The following LNX1 variants were observed in gnomAD, a reference collection of about 807,000 sequenced individuals.
LNX1 encodes the protein E3 ubiquitin-protein ligase LNX.
Under a neutral mutation model 68.4 loss-of-function variants are expected in LNX1, and 54 were observed. That is an observed-to-expected ratio of 0.79 (90% confidence interval 0.63 to 0.99). LNX1 has a LOEUF of 0.99. LNX1 is among the 50% of genes least tolerant of loss of function. The probability of loss-of-function intolerance (pLI) is 0.00; values close to 1 mark genes in which losing one functional copy is unlikely to be tolerated. For synonymous variants in LNX1, 336 were observed against 350.0 expected (o/e 0.96, Z 0.45); for missense variants, 906 against 926.4 (o/e 0.98, Z 0.29).
intron 2 of LNX1, among the ~76,000 whole-genome samples, chr4:53,522,559 T>A (rs1727302823): frequency 6.6e-6 from 1 of 152,246 alleles, no homozygotes; most frequent in Non-Finnish European, 1.5e-5. Context: ...GAGCCTGTTT[T>A]ACTAGACTGC....
At chr4:53,496,689 T>C in intron 5 of LNX1, 1 of 315,392 alleles carries the variant, frequency 3.2e-6, no homozygotes, top group Non-Finnish European at 5.8e-6. Flanking sequence ...GTTGTCATTA[T>C]TTTTTAGCTG....
chr4:53,537,011 T>C (rs1237401809), intron 2 of LNX1, among the ~76,000 whole-genome samples: 1 of 152,238 alleles, frequency 6.6e-6, no homozygotes, highest in Non-Finnish European at 1.5e-5. Flanking sequence ...TACCTTTTTG[T>C]TTACTGCTTT....
chr4:53,509,126 C>T (rs928672862), intron 2 of LNX1, among the ~76,000 whole-genome samples: 5 of 152,168 alleles, frequency 3.3e-5, no homozygotes, highest in African/African-American at 1.2e-4. Flanking sequence ...AGCGCACAGG[C>T]TAGGTTTTGG....
intron 2 of LNX1, among the ~76,000 whole-genome samples, chr4:53,564,420 CAG>C (rs1362508159): frequency 6.6e-6 from 1 of 152,188 alleles, no homozygotes; most frequent in Non-Finnish European, 1.5e-5. Context: ...AGACCCCAAA[CAG>C]TCCTGGATGA....
intron 2 of LNX1, among the ~76,000 whole-genome samples, chr4:53,565,803 A>G (rs1294906818): frequency 3.3e-5 from 5 of 151,092 alleles, no homozygotes; most frequent in Non-Finnish European, 5.9e-5. Flanking sequence ...AAGTGCTTAA[A>G]GGAGCTGATG....
At chr4:53,476,125 C>T (rs1264493143) in intron 9 of LNX1, among the ~76,000 whole-genome samples, 1 of 151,962 alleles carries the variant, frequency 6.6e-6, no homozygotes, top group Non-Finnish European at 1.5e-5. Flanking sequence ...GGTGAATCCC[C>T]GTCTCTACTA....
At chr4:53,610,414 A>C (rs191341236) in intron 2 of LNX1, among the ~76,000 whole-genome samples, 1 of 152,204 alleles carries the variant, frequency 6.6e-6, no homozygotes, top group East Asian at 1.9e-4. Context: ...ATATATGAAA[A>C]ATTTTGTAGT....
chr4:53,574,157 G>T, intron 1 of LNX1, 69 bp from the exon 2 acceptor site: 1 of 1,176,092 alleles, frequency 8.5e-7, no homozygotes, highest in Non-Finnish European at 1.2e-6. Flanking sequence ...TGGTAGACAT[G>T]AGACAGGGCT....
At chr4:53,592,060 T>C (rs2109822765), upstream of LNX1, among the ~76,000 whole-genome samples, 1 of 152,290 alleles carries the variant, frequency 6.6e-6, no homozygotes, top group Middle Eastern at 3.4e-3. Flanking sequence ...AGTTTCAAAG[T>C]GGTTTTCAAA....
At chr4:53,565,900 A>G (rs1444647791) in intron 2 of LNX1, among the ~76,000 whole-genome samples, 49 of 151,766 alleles carry the variant, frequency 3.2e-4, no homozygotes, top group Admixed American at 2.4e-3. Flanking sequence ...GGGTATCAGC[A>G]ATGGAAGATG....
intron 2 of LNX1, among the ~76,000 whole-genome samples, chr4:53,526,586 G>T (rs1727626700): frequency 6.6e-6 from 1 of 151,588 alleles, no homozygotes; most frequent in African/African-American, 2.4e-5. Context: ...TGCTACTCTG[G>T]AAGTAAATAG....
At chr4:53,582,248 C>T (rs1362611360) in intron 1 of LNX1, among the ~76,000 whole-genome samples, 1 of 152,178 alleles carries the variant, frequency 6.6e-6, no homozygotes, top group Non-Finnish European at 1.5e-5. Flanking sequence ...CTAAACTTCA[C>T]CCAAGGTCAG....
intron 2 of LNX1, among the ~76,000 whole-genome samples, chr4:53,564,477 A>G (rs946041338): frequency 5.3e-5 from 8 of 152,148 alleles, no homozygotes; most frequent in African/African-American, 1.7e-4. Context: ...TCCCCAGAGG[A>G]TGACTCCAGT....
intron 2 of LNX1, among the ~76,000 whole-genome samples, chr4:53,598,727 G>C (rs1732866723): frequency 6.6e-6 from 1 of 152,204 alleles, no homozygotes. Flanking sequence ...TCGTTGTTAA[G>C]TTACATCTTG....
rs185676430 is a variant in LNX1, at chr4:53,644,663, T to C, written c.-215+7505A>G. ...TATTCCAGGAGGGAGCGGGATTCCA[T>C]GTCAGGTGACTTGGATAGTGTCCCA... On this transcript the variant is annotated intron_variant, in intron 1 of 2. Coordinates refer to the LNX1 transcript ENST00000507168. 2.6e-3 allele frequency among the ~76,000 whole-genome samples: 391 copies of C among 152,278 alleles called. 2 individuals are homozygous for C. Among genetic ancestry groups the C allele is most frequent in the African/African-American group, 8.9e-3 (370 of 41,572 alleles).
chr4:53,474,071 G>T (rs1394958499), intron 9 of LNX1, among the ~76,000 whole-genome samples: 1 of 152,190 alleles, frequency 6.6e-6, no homozygotes, highest in African/African-American at 2.4e-5. Flanking sequence ...AGTCCTATAG[G>T]AATGAAGTGA....
intron 9 of LNX1, among the ~76,000 whole-genome samples, chr4:53,465,124 A>AT (rs1210190359): frequency 1.3e-5 from 2 of 152,088 alleles, no homozygotes; most frequent in African/African-American, 4.8e-5. Context: ...AACATCTTGC[A>AT]TTTTTTTCCT....
At chr4:53,571,939 G>A (rs1731194511) in intron 2 of LNX1, among the ~76,000 whole-genome samples, 1 of 152,194 alleles carries the variant, frequency 6.6e-6, no homozygotes, top group African/African-American at 2.4e-5. Context: ...GGGATTACAG[G>A]TGTGAGCCAC....
chr4:53,467,676 G>A (rs914563940), intron 9 of LNX1, among the ~76,000 whole-genome samples: 2 of 152,172 alleles, frequency 1.3e-5, no homozygotes, highest in African/African-American at 2.4e-5. Context: ...ACCACGGCAC[G>A]AGAACTATGT....
Sources: allele counts gnomAD v4.1 joint callset (sites outside exome capture counted in the v4.1 genomes callset), GRCh38; gene constraint gnomAD v4.1.1; transcripts MANE v1.5; gene names NCBI Gene and HGNC (gene_info 2026-07-23, HGNC 2026-07-21).